The following ARHGAP44 variants were observed in gnomAD, a reference collection of about 807,000 sequenced individuals.
ARHGAP44 encodes Rho GTPase activating protein 44, also known as rho GTPase-activating protein 44.
In ARHGAP44, 43 loss-of-function variants were observed where a neutral mutation model predicts 106.8. The ratio of observed to expected loss-of-function variants is 0.40; its 90% CI spans 0.32 to 0.52. The LOEUF is 0.52. ARHGAP44 is among the 20% of genes least tolerant of loss of function. The pLI is 0.48. For synonymous variants in ARHGAP44, 439 were observed against 410.3 expected (o/e 1.07, Z -0.85); for missense variants, 866 against 1,050.5 (o/e 0.82, Z 2.43).
intron 1 of ARHGAP44, 43 bp from the exon 2 acceptor site, chr17:12,894,894 CTGT>C: frequency 2.6e-6 from 4 of 1,536,072 alleles, no homozygotes; most frequent in South Asian, 1.2e-5. Context: ...TTATGAGGCT[CTGT>C]TGTTAGTTTT....
intron 4 of ARHGAP44, among the ~76,000 whole-genome samples, chr17:12,915,120 C>A (rs1349178225): frequency 1.3e-5 from 2 of 152,174 alleles, no homozygotes; most frequent in African/African-American, 2.4e-5. Context: ...CTCACTACAG[C>A]CTCTGCCTCC....
chr17:12,903,782 T>C (rs1457453120), intron 3 of ARHGAP44, among the ~76,000 whole-genome samples: 1 of 152,138 alleles, frequency 6.6e-6, no homozygotes, highest in East Asian at 1.9e-4. Flanking sequence ...CAGAGTCCAT[T>C]GTATCATTCT....
chr17:12,798,564 A>G (rs1426465057), intron 1 of ARHGAP44, among the ~76,000 whole-genome samples: 2 of 152,294 alleles, frequency 1.3e-5, no homozygotes, highest in Non-Finnish European at 1.5e-5. Flanking sequence ...TTGAACCTCA[A>G]TAGATTTTCT....
intron 1 of ARHGAP44, among the ~76,000 whole-genome samples, chr17:12,883,723 C>A (rs1476320171): frequency 1.3e-5 from 2 of 152,044 alleles, no homozygotes; most frequent in African/African-American, 4.8e-5. Context: ...TGACTTCTGA[C>A]CTTTGATATT....
At chr17:12,793,058 A>G (rs2150750752) in intron 1 of ARHGAP44, among the ~76,000 whole-genome samples, 1 of 152,342 alleles carries the variant, frequency 6.6e-6, no homozygotes, top group Admixed American at 6.5e-5. Context: ...GGTTAGGAGC[A>G]CAGGCTTTCC....
At position 12,944,267 on chromosome 17, in the gene ARHGAP44, C is replaced by G; in HGVS notation, c.861+71C>G. ...TCCACGAGACAGAGCTTACAGGATC[C>G]TCTCTCCTGTACCATCTCCACTCCG... is the stretch of plus-strand genomic sequence containing the variant. On this transcript the variant is annotated intron_variant, in intron 10 of 20. Coordinates refer to ENST00000379672, the MANE Select transcript of ARHGAP44 (RefSeq NM_014859.6). 2.0e-6 allele frequency: 3 copies of G among 1,514,478 alleles called. No homozygotes were observed. In the Admixed American group the frequency reaches 5.7e-5, roughly 29 times the overall value. The allele number at this position is 1,514,478 out of a possible 1,614,324, so 93.8% of individuals were successfully genotyped here.
intron 7 of ARHGAP44, among the ~76,000 whole-genome samples, chr17:12,937,485 A>G (rs1391735811): frequency 6.6e-6 from 1 of 152,134 alleles, no homozygotes; most frequent in Admixed American, 6.5e-5. Flanking sequence ...TTCCTGCCCC[A>G]GTACTGATTT....
At position 12,789,968 on chromosome 17, in the gene ARHGAP44, C is replaced by A. The variant is rs78012071; in HGVS notation, c.53+77C>A. ...GCAGGGGCGCGCAGGTGATGGAGCC[C>A]GCCCAGCCTCCAGTCCTCCTTGCCT... is the stretch of plus-strand genomic sequence containing the variant. On this transcript the variant is annotated intron_variant, in intron 1 of 20. Transcript: ENST00000379672. 1.6e-4 allele frequency: 214 copies of A among 1,362,400 alleles called. No individual in the cohort carries two copies. In the East Asian group the frequency reaches 6.3e-3, roughly 40 times the overall value. The allele number at this position is 1,362,400 out of a possible 1,614,324, so 84.4% of individuals were successfully genotyped here.
chr17:12,958,793 C>T lies in ARHGAP44; in HGVS notation c.1419C>T (p.Pro473=), dbSNP rs779211171. The part of the protein sequence containing the change: ...VNHNANYSSM[P]SPDMDPADRR... ...ATAATGCCAACTACAGCTCAATGCC[C>T]TCCCCAGACATGGACCCTGCTGACC... The change falls in exon 16 of 21, where the codon CCC becomes CCT. Residue 473 remains proline (P), a synonymous_variant. Transcript: ENST00000379672. The surrounding 1 kb of genome is among the most constrained non-coding windows in gnomAD (Gnocchi z 4.1). 8.1e-6 allele frequency: 13 copies of T among 1,613,154 alleles called. No homozygotes were observed. The highest frequency in any genetic ancestry group is 3.3e-5 in the Admixed American group (2 of 59,934).
In ARHGAP44 at chr17:12,990,344, T is replaced by C; in HGVS notation, c.*173T>C. The C allele has an allele frequency of 2.4e-6, 2 of 817,436 alleles. No homozygotes were observed. Among genetic ancestry groups the C allele is most frequent in the Non-Finnish European group, 1.8e-6 (1 of 541,060 alleles). The allele number at this position is 817,436 out of a possible 1,614,324, so 50.6% of individuals were successfully genotyped here. A position where few individuals can be genotyped will look rare whatever the true frequency, so the allele number is the denominator to read the frequency against. ...TGATCTCCAGTCCGTGTGGTGATGC[T>C]GGTGGTGCAGGTTTTGTTTGTTCCT... On this transcript the variant is annotated 3_prime_UTR_variant, in exon 21 of 21. Coordinates refer to ENST00000379672, the MANE Select transcript of ARHGAP44 (RefSeq NM_014859.6).
chr17:12,851,006 C>A (rs1249987594), intron 1 of ARHGAP44, among the ~76,000 whole-genome samples: 2 of 152,210 alleles, frequency 1.3e-5, no homozygotes, highest in South Asian at 2.1e-4. Flanking sequence ...TTTCTGCTGT[C>A]CTCATTGGTA....
At chr17:12,805,508 T>C (rs2034246674) in intron 1 of ARHGAP44, among the ~76,000 whole-genome samples, 1 of 152,252 alleles carries the variant, frequency 6.6e-6, no homozygotes. Flanking sequence ...AAGATTTTTC[T>C]GTACTAACAA....
At chr17:12,823,424 C>T (rs1363924457) in intron 1 of ARHGAP44, among the ~76,000 whole-genome samples, 4 of 152,170 alleles carry the variant, frequency 2.6e-5, no homozygotes, top group Non-Finnish European at 4.4e-5. Context: ...GCCAACCTCA[C>T]TTTCTCCTTC....
At chr17:12,826,188 C>T (rs904055650) in intron 1 of ARHGAP44, among the ~76,000 whole-genome samples, 7 of 151,964 alleles carry the variant, frequency 4.6e-5, no homozygotes, top group African/African-American at 1.5e-4. Flanking sequence ...GCTATTAAGC[C>T]CAGTACTCGT....
intron 13 of ARHGAP44, 113 bp from the exon 14 acceptor site, chr17:12,955,754 C>G: frequency 1.6e-6 from 1 of 636,616 alleles, no homozygotes; most frequent in Non-Finnish European, 2.8e-6. Context: ...TGCAGGTGCA[C>G]GAGTCTCCTA....
At chr17:12,802,927 TTATATATATA>T (rs1159214788) in intron 1 of ARHGAP44, among the ~76,000 whole-genome samples, 3,030 of 29,166 alleles carry the variant, frequency 0.1, 251 homozygotes, top group Non-Finnish European at 0.13. Flanking sequence ...CCTGGCTAAT[TTATATATATA>T]TATATATATA....
At chr17:12,989,772 G>A (rs2072261) in intron 20 of ARHGAP44, among the ~76,000 whole-genome samples, 34,145 of 152,160 alleles carry the variant, frequency 0.22, 4,115 homozygotes, top group South Asian at 0.3. Context: ...CTTGGCAGGG[G>A]AGTGCTGTTC....
chr17:12,988,373 G>A (rs567179473), intron 20 of ARHGAP44: 2 of 152,330 alleles, frequency 1.3e-5, no homozygotes, highest in South Asian at 2.1e-4. Context: ...GGGGAGCTTG[G>A]TGCTCTTACC....
chr17:12,801,181 TAG>T (rs1284295383), intron 1 of ARHGAP44, among the ~76,000 whole-genome samples: 4 of 152,178 alleles, frequency 2.6e-5, no homozygotes, highest in African/African-American at 9.6e-5. Context: ...CCTGAAAACA[TAG>T]AGTCTGAGAA....
Sources: gnomAD v4.1 joint callset for allele counts (sites outside exome capture counted in the v4.1 genomes callset) on GRCh38, gnomAD v4.1.1 for gene constraint, Gnocchi (gnomAD v3.1) non-coding constraint, MANE v1.5 for transcripts, NCBI Gene and HGNC (gene_info 2026-07-23, HGNC 2026-07-21) for gene names.